The following LRRC37A2 variants were observed in gnomAD, a reference collection of about 807,000 sequenced individuals.
LRRC37A2 encodes the protein leucine rich repeat containing 37 member A2.
A neutral mutation model predicts 68.8 loss-of-function variants in LRRC37A2; 9 were observed. That is an observed-to-expected ratio of 0.13 (90% CI 0.08 to 0.23). The LOEUF is 0.23. Ranked by LOEUF, LRRC37A2 falls within the 10% of genes least tolerant of loss-of-function variation. LRRC37A2 has a pLI of 1.00. For missense variants in LRRC37A2, 168 were observed against 950.4 expected (o/e 0.18, Z 10.82); for synonymous variants, 63 against 367.6 (o/e 0.17, Z 9.48).
At chr17:46,821,456 CT>C in the LRRC37A2 span, among the ~76,000 whole-genome samples, 1 of 152,158 alleles carries the variant, frequency 6.6e-6, no homozygotes, top group Non-Finnish European at 1.5e-5. Flanking sequence ...GCGGGCGCCC[CT>C]GACCACACAT....
At chr17:46,978,889 G>A in the LRRC37A2 span, 1 of 1,534,702 alleles carries the variant, frequency 6.5e-7, no homozygotes, top group Non-Finnish European at 8.7e-7. Flanking sequence ...TGCGCCCCCT[G>A]GACAGCAGCC....
the LRRC37A2 span, chr17:46,755,188 T>TGTAG: frequency 1.4e-6 from 1 of 695,984 alleles, no homozygotes; most frequent in Admixed American, 2.2e-5. Flanking sequence ...AAGGAGCAGG[T>TGTAG]AACACATTCA....
the LRRC37A2 span, among the ~76,000 whole-genome samples, chr17:46,813,609 T>C: frequency 6.6e-6 from 1 of 152,048 alleles, no homozygotes; most frequent in South Asian, 2.1e-4. Context: ...GCTCAACTCC[T>C]GGCTCATCAC....
chr17:46,773,647 C>A, the LRRC37A2 span: 137 of 1,487,928 alleles, frequency 9.2e-5, 1 homozygote, highest in Non-Finnish European at 1.1e-4. Context: ...CCCTCCCCCC[C>A]CCTCAGCCCC....
the LRRC37A2 span, chr17:47,019,627 A>G: frequency 6.9e-7 from 1 of 1,439,140 alleles, no homozygotes; most frequent in Non-Finnish European, 9.8e-7. Flanking sequence ...AGTTACATCC[A>G]AGATAAGGCT....
chr17:47,021,225 T>A, the LRRC37A2 span, among the ~76,000 whole-genome samples: 3 of 151,670 alleles, frequency 2.0e-5, no homozygotes, highest in African/African-American at 4.9e-5. Context: ...TTTTGTTTTT[T>A]GCATTATGTG....
chr17:46,859,647 A>G, the LRRC37A2 span, among the ~76,000 whole-genome samples: 3 of 152,004 alleles, frequency 2.0e-5, no homozygotes, highest in African/African-American at 4.8e-5. Flanking sequence ...ACTGTGCACT[A>G]TTTTTTCGAA....
the LRRC37A2 span, among the ~76,000 whole-genome samples, chr17:46,623,384 C>G: frequency 2.7e-4 from 7 of 26,394 alleles, no homozygotes; most frequent in South Asian, 1.3e-3. Context: ...CAGTCATAGA[C>G]TATGACTACC....
chr17:46,740,714 T>G, the LRRC37A2 span, among the ~76,000 whole-genome samples: 1 of 150,654 alleles, frequency 6.6e-6, no homozygotes, highest in South Asian at 2.1e-4. Context: ...TGGGCTGGAG[T>G]ACAATGGCAC....
chr17:46,772,016 C>T, the LRRC37A2 span, among the ~76,000 whole-genome samples: 108 of 151,642 alleles, frequency 7.1e-4, 1 homozygote, highest in African/African-American at 2.0e-3. Context: ...GGCTGCCCGA[C>T]CCGCTGCGCC....
the LRRC37A2 span, among the ~76,000 whole-genome samples, chr17:46,819,393 G>T: frequency 6.6e-6 from 1 of 152,162 alleles, no homozygotes; most frequent in African/African-American, 2.4e-5. This position sits in a 1 kb window ranked among gnomAD's most constrained non-coding sequence, Gnocchi z 5.3. Context: ...GGGACCTCCT[G>T]CTGCCTTTGC....
chr17:46,833,491 G>T, the LRRC37A2 span: 1 of 470,776 alleles, frequency 2.1e-6, no homozygotes, highest in Non-Finnish European at 4.2e-6. Context: ...TCCCCATCTG[G>T]TCACCTCACT....
the LRRC37A2 span, among the ~76,000 whole-genome samples, chr17:46,891,111 C>CT: frequency 6.6e-6 from 1 of 152,194 alleles, no homozygotes; most frequent in Admixed American, 6.5e-5. Context: ...AGCCTCAGGG[C>CT]TGTCTGGCTA....
chr17:47,022,166 C>CTTTTTTTTTTTTTTT, the LRRC37A2 span, among the ~76,000 whole-genome samples: 93 of 15,828 alleles, frequency 5.9e-3, 34 homozygotes, highest in East Asian at 0.03. Context: ...CCTTTTTGTT[C>CTTTTTTTTTTTTTTT]TCTTTTTTTT....
chr17:46,726,751 T>C, the LRRC37A2 span: 1 of 794,386 alleles, frequency 1.3e-6, no homozygotes, highest in Non-Finnish European at 2.2e-6. Flanking sequence ...CAAGGAAATA[T>C]AATGTTCTCT....
chr17:46,377,669 A>G, the LRRC37A2 span, among the ~76,000 whole-genome samples: 2 of 60,512 alleles, frequency 3.3e-5, no homozygotes, highest in Admixed American at 2.8e-4. Flanking sequence ...TCCCGGGTTC[A>G]AGCGATTCTC....
At chr17:46,534,888 C>A (rs1428511953) in intron 6 of LRRC37A2, among the ~76,000 whole-genome samples, 19 of 149,404 alleles carry the variant, frequency 1.3e-4, no homozygotes, top group African/African-American at 4.3e-4. Flanking sequence ...ACTTCTCAGA[C>A]GGGGCGGCTG....
At chr17:46,927,658 C>T in the LRRC37A2 span, among the ~76,000 whole-genome samples, 3 of 152,140 alleles carry the variant, frequency 2.0e-5, no homozygotes, top group Non-Finnish European at 2.9e-5. Context: ...TCCCAAATAA[C>T]GTGGGGCTGT....
the LRRC37A2 span, among the ~76,000 whole-genome samples, chr17:46,417,020 C>T: frequency 0.54 from 64,603 of 120,660 alleles, 14,991 homozygotes; most frequent in South Asian, 0.69. Flanking sequence ...ATCACTTGAA[C>T]CCGGGAGGTG....
Sources: allele counts gnomAD v4.1 joint callset (sites outside exome capture counted in the v4.1 genomes callset), GRCh38; gene constraint gnomAD v4.1.1; non-coding constraint Gnocchi (gnomAD v3.1); transcripts MANE v1.5; gene names NCBI Gene and HGNC (gene_info 2026-07-23, HGNC 2026-07-21).